CEP295: variants seen among roughly 807,000 people sequenced by gnomAD.
CEP295 encodes centrosomal protein 295, also known as centrosomal protein of 295 kDa.
CEP295 carries 190 observed loss-of-function variants against 291.6 expected under a neutral mutation model. The observed-to-expected ratio is 0.65, with a 90% CI of 0.58 to 0.73. CEP295 has a LOEUF of 0.73. CEP295 is among the 30% of genes least tolerant of loss of function. CEP295 has a pLI of 0.00. For missense variants in CEP295, 2,863 were observed against 2,949.4 expected, an observed-to-expected ratio of 0.97 and a Z score of 0.68; for synonymous variants, 993 against 1,038.8, an observed-to-expected ratio of 0.96 and a Z score of 0.85.
In CEP295 at chr11:93,687,807, G is replaced by A. The variant is rs1311256502; in HGVS notation, c.1278G>A (p.Thr426=). The stretch of plus-strand genomic sequence containing the variant: ...GTGAAATTGAGAGTAAAGCACCAAC[G>A]GTTGAGTCAGGAACAATTGCCAGCA... ...TVSEIESKAP[T]VESGTIASKE... The change falls in exon 10 of 30, where the codon ACG becomes ACA. Residue 426 remains threonine (T), a synonymous_variant. Coordinates refer to ENST00000325212, the MANE Select transcript of CEP295 (RefSeq NM_033395.2). 51 of 1,551,166 alleles carry A rather than the reference G, an allele frequency of 3.3e-5. No homozygotes were observed. Among genetic ancestry groups the A allele is most frequent in the African/African-American group, 5.5e-5 (4 of 73,014 alleles).
In CEP295 at chr11:93,721,404, G is replaced by A; in HGVS notation, c.5842G>A (p.Asp1948Asn). ...HAYLGPTVKPDDKAKTLSYEP... is the reference protein window; with the variant it reads ...HAYLGPTVKPNDKAKTLSYEP... Reference sequence around the variant, plus strand: ...ATATTTGGGTCCAACTGTGAAGCCAGATGATAAGGTTAGTAATGTCTTAAT... The same window carrying A: ...ATATTTGGGTCCAACTGTGAAGCCAAATGATAAGGTTAGTAATGTCTTAAT... Residue 1948 changes from aspartate (D) to asparagine (N), a missense_variant, in exon 19 of 30, where the codon GAT (aspartate) becomes AAT (asparagine). Asp to Asn is a conservative substitution (Grantham distance 23). Transcript: ENST00000325212. The A allele has an allele frequency of 6.3e-7, 1 of 1,585,244 alleles. No homozygotes were observed. The highest frequency in any genetic ancestry group is 1.1e-5 in the South Asian group (1 of 89,942).
Position 93,696,747 on chromosome 11 carries a change from G to A in CEP295, c.1835G>A (p.Gly612Glu), listed in dbSNP as rs867101155. The A allele has an allele frequency of 1.9e-6, 3 of 1,551,468 alleles. No individual in the cohort carries two copies. The highest frequency in any genetic ancestry group is 1.4e-5 in the African/African-American group (1 of 73,142). ...QLLEYQTMLK[G>E]RCPSVSAPSL... ...CTTGAATATCAAACTATGTTAAAAG[G>A]AAGGTGCCCATCGGTGTCAGCTCCA... Residue 612 changes from glycine (G) to glutamate (E), a missense_variant, in exon 15 of 30, where the codon GGA becomes GAA. Gly to Glu is a moderately conservative substitution (Grantham distance 98). Coordinates refer to ENST00000325212, the MANE Select transcript of CEP295 (RefSeq NM_033395.2).
intron 18 of CEP295, among the ~76,000 whole-genome samples, chr11:93,711,179 A>C (rs1952869267): frequency 6.6e-6 from 1 of 151,706 alleles, no homozygotes; most frequent in South Asian, 2.1e-4. Context: ...CTAGTTTTTT[A>C]AGATGCATTT....
chr11:93,696,596 T>C (rs900878649), intron 14 of CEP295, 86 bp from the exon 15 acceptor site: 5 of 1,258,344 alleles, frequency 4.0e-6, no homozygotes, highest in African/African-American at 3.0e-5. Context: ...CAACCCTAGA[T>C]TGCTGTTTGT....
intron 5 of CEP295, among the ~76,000 whole-genome samples, chr11:93,671,623 A>G (rs963404872): frequency 6.6e-6 from 1 of 152,198 alleles, no homozygotes; most frequent in Non-Finnish European, 1.5e-5. Context: ...TATTTTAGAA[A>G]AATACATTAC....
intron 22 of CEP295, 140 bp downstream of exon 22, chr11:93,724,515 C>A: frequency 1.2e-6 from 1 of 858,452 alleles, no homozygotes; most frequent in Non-Finnish European, 1.8e-6. Flanking sequence ...ACCTGTAATC[C>A]CAGCACTTTG....
At position 93,666,685 on chromosome 11, in the gene CEP295, T is replaced by C; in HGVS notation, c.-23T>C. 8.5e-7 allele frequency: 1 copy of C among 1,178,870 alleles called. No homozygotes were observed. Among genetic ancestry groups the C allele is most frequent in the Non-Finnish European group, 1.2e-6 (1 of 829,464 alleles). The allele number at this position is 1,178,870 out of a possible 1,614,324, so 73.0% of individuals were successfully genotyped here. A position where few individuals can be genotyped will look rare whatever the true frequency, so the allele number is the denominator to read the frequency against. On this transcript the variant is annotated 5_prime_UTR_variant, in exon 2 of 30. Transcript: ENST00000325212. ...ACATTTTCCTTTTTGAATTCAGAACTGTCATACATAAAGTACACAGAAATG... is the reference window on the plus strand; with the variant it reads ...ACATTTTCCTTTTTGAATTCAGAACCGTCATACATAAAGTACACAGAAATG...
intron 1 of CEP295, among the ~76,000 whole-genome samples, chr11:93,665,071 AT>A (rs993980488): frequency 3.3e-5 from 5 of 152,208 alleles, no homozygotes; most frequent in African/African-American, 1.2e-4. Flanking sequence ...TGCAACAGGA[AT>A]TATCAGAGGA....
Position 93,684,144 on chromosome 11 carries a change from A to G in CEP295, c.1114+16A>G. On this transcript the variant is annotated intron_variant, in intron 9 of 29. Transcript: ENST00000325212. ...GAAACAGATGGTAAAAACCCTTCTG[A>G]GCTAAATATTACAGTATTTCACAGA... 1 of 1,545,394 alleles carries G rather than the reference A, an allele frequency of 6.5e-7. No individual in the cohort carries two copies.
In CEP295 at chr11:93,664,473, C is replaced by T. The variant is rs58314570; in HGVS notation, c.-26-2209C>T. Among the ~76,000 whole-genome samples the T allele has an allele frequency of 8.8e-4, 134 of 152,262 alleles. 1 individual carries two copies. The East Asian group carries it at 0.02, about 23-fold the overall frequency. ...GTACTTTAGTTACCATTACCAAAGC[C>T]GTGTGAATATTAGATGAGTAGGATG... On this transcript the variant is annotated intron_variant, in intron 1 of 29. Transcript: ENST00000325212.
In CEP295 at chr11:93,697,979, T is replaced by C. The variant is rs1951938052; in HGVS notation, c.3067T>C (p.Ser1023Pro). 1.3e-6 allele frequency: 2 copies of C among 1,551,564 alleles called. No homozygotes were observed. The highest frequency in any genetic ancestry group is 1.4e-5 in the African/African-American group (1 of 73,036). Reference protein sequence around the residue: ...KSGKIQEQHSSKSEKGLVSCQ... With the variant: ...KSGKIQEQHSPKSEKGLVSCQ... ...TGGAAAAATACAGGAGCAACATTCATCTAAGAGCGAGAAAGGACTTGTTTC... is the reference window on the plus strand; with the variant it reads ...TGGAAAAATACAGGAGCAACATTCACCTAAGAGCGAGAAAGGACTTGTTTC... The change falls in exon 15 of 30, where the codon TCT becomes CCT. Residue 1023 changes from serine (S) to proline (P), a missense_variant. Physicochemically the swap from Ser to Pro is moderately conservative, Grantham distance 74. Around this residue, in one of 3 missense-constraint regions of CEP295, gnomAD observed 2,295 missense variants for 2,335.7 expected, o/e 0.98. Transcript: ENST00000325212.
In CEP295 at chr11:93,727,285, AC is replaced by A. The variant is rs1328368738; in HGVS notation, c.6811del (p.Gln2271AsnfsTer2). 1 of 1,551,588 alleles carries A rather than the reference AC, an allele frequency of 6.4e-7. No homozygotes were observed. The highest frequency in any genetic ancestry group is 2.0e-5 in the Admixed American group (1 of 50,984). ...AACTCTAGTGAGTGCTCAACAAAAC[AC>A]CAACTAGAAAGCAGAAAGGAAAGTA... is the stretch of plus-strand genomic sequence containing the variant. ...GSNSSECSTK[H>X]QLESRKESMG... On this transcript the variant is annotated frameshift_variant, in exon 24 of 30. Coordinates refer to ENST00000325212, the MANE Select transcript of CEP295 (RefSeq NM_033395.2). LOFTEE classifies it high-confidence loss of function.
At position 93,696,756 on chromosome 11, in the gene CEP295, C is replaced by T; in HGVS notation, c.1844C>T (p.Pro615Leu). ...CAAACTATGTTAAAAGGAAGGTGCC[C>T]ATCGGTGTCAGCTCCATCATTGATA... ...EYQTMLKGRCPSVSAPSLITD... is the reference protein window; with the variant it reads ...EYQTMLKGRCLSVSAPSLITD... The change falls in exon 15 of 30, where the codon CCA becomes CTA. Residue 615 changes from proline (P) to leucine (L), a missense_variant. Pro to Leu is a moderately conservative substitution (Grantham distance 98, BLOSUM62 -3). Around this residue, in one of 3 missense-constraint regions of CEP295, gnomAD observed 2,295 missense variants for 2,335.7 expected, o/e 0.98. Transcript: ENST00000325212. 6.4e-7 allele frequency: 1 copy of T among 1,551,414 alleles called. No homozygotes were observed. The highest frequency in any genetic ancestry group is 8.7e-7 in the Non-Finnish European group (1 of 1,146,734).
chr11:93,691,745 T>C lies in CEP295; in HGVS notation c.1399T>C (p.Ser467Pro), dbSNP rs1951561336. 1 of 1,546,440 alleles carries C rather than the reference T, an allele frequency of 6.5e-7. No individual in the cohort carries two copies. Among genetic ancestry groups the C allele is most frequent in the Non-Finnish European group, 8.7e-7 (1 of 1,145,022 alleles). The change falls in exon 11 of 30, where the codon TCG (serine) becomes CCG (proline). Residue 467 changes from serine to proline, a missense_variant. Physicochemically the swap from Ser to Pro is moderately conservative, Grantham distance 74. Coordinates refer to ENST00000325212, the MANE Select transcript of CEP295 (RefSeq NM_033395.2). Reference sequence around the variant, plus strand: ...ACTTGCTAGTGAAGATAAACCACTTTCGTGTGGTACAAACTCTGGAAAAGA... The same window carrying C: ...ACTTGCTAGTGAAGATAAACCACTTCCGTGTGGTACAAACTCTGGAAAAGA... ...GPLASEDKPLSCGTNSGKEQE... is the reference protein window; with the variant it reads ...GPLASEDKPLPCGTNSGKEQE...
intron 24 of CEP295, 87 bp from the exon 25 acceptor site, chr11:93,728,594 C>G: frequency 8.2e-7 from 1 of 1,215,144 alleles, no homozygotes; most frequent in South Asian, 1.8e-5. Flanking sequence ...TATACACTTG[C>G]AAAAAATGTG....
In CEP295 at chr11:93,696,814, A is replaced by G. The variant is rs751331875; in HGVS notation, c.1902A>G (p.Lys634=). The change falls in exon 15 of 30, where the codon AAA becomes AAG. Residue 634 remains lysine, a synonymous_variant. Transcript: ENST00000325212. ...CTGTTATATCAGTGCCATCATGGAA[A>G]TCTGAGAGACCGACTGCTATATCAG... The part of the protein sequence containing the change: ...TDSVISVPSW[K]SERPTAISEH... The G allele has an allele frequency of 1.7e-5, 27 of 1,551,610 alleles. No individual in the cohort carries two copies. The highest frequency in any genetic ancestry group is 2.1e-5 in the Non-Finnish European group (24 of 1,147,018).
Position 93,681,384 on chromosome 11 carries a change from G to A in CEP295, c.765+1832G>A, listed in dbSNP as rs1311940900. On this transcript the variant is annotated intron_variant, in intron 7 of 29. Transcript: ENST00000325212. ...CCTAAGTAGCTGGGACTACAGGCTCGCGTCACCACACCCAGCTAATTTTTT... is the reference window on the plus strand; with the variant it reads ...CCTAAGTAGCTGGGACTACAGGCTCACGTCACCACACCCAGCTAATTTTTT... 8.1e-5 allele frequency among the ~76,000 whole-genome samples: 10 copies of A among 123,408 alleles called. No individual in the cohort carries two copies. In the East Asian group the frequency reaches 1.7e-3, roughly 21 times the overall value. The allele number at this position is 123,408 out of a possible 152,430, so 81.0% of individuals were successfully genotyped here. A position where few individuals can be genotyped will look rare whatever the true frequency, so the allele number is the denominator to read the frequency against.
chr11:93,729,408 A>G (rs1280460118), intron 25 of CEP295, 26 bp from the exon 26 acceptor site: 1 of 1,485,154 alleles, frequency 6.7e-7, no homozygotes, highest in East Asian at 2.5e-5. Context: ...TAAAAAGAGT[A>G]AAACATGCAA....
chr11:93,685,911 A>T (rs892521555), intron 9 of CEP295, among the ~76,000 whole-genome samples: 1 of 151,942 alleles, frequency 6.6e-6, no homozygotes, highest in Non-Finnish European at 1.5e-5. Context: ...GGGTTTCACT[A>T]TGTTGGCCAG....
Sources: gnomAD v4.1 joint callset for allele counts (sites outside exome capture counted in the v4.1 genomes callset) on GRCh38, gnomAD v4.1.1 for gene constraint, gnomAD v4.1.1 regional missense constraint, MANE v1.5 for transcripts, NCBI Gene and HGNC (gene_info 2026-07-23, HGNC 2026-07-21) for gene names.